The following UNG variants were observed in gnomAD, a reference collection of about 807,000 sequenced individuals.
UNG encodes uracil-DNA glycosylase.
A neutral mutation model predicts 36.5 loss-of-function variants in UNG; 34 were observed. The observed-to-expected ratio is 0.93, with a 90% CI of 0.71 to 1.24. The LOEUF is 1.24. Ranked by LOEUF, UNG falls within the 50% of genes most tolerant of loss-of-function variation. The pLI is 0.00. For missense variants in UNG, 391 were observed against 397.6 expected (o/e 0.98, Z 0.14); for synonymous variants, 172 against 157.8 (o/e 1.09, Z -0.67).
In UNG at chr12:109,098,635, C is replaced by T. The variant is rs753649047; in HGVS notation, c.336C>T (p.Ile112=). 1.9e-6 allele frequency: 3 copies of T among 1,613,472 alleles called. No homozygotes were observed. The highest frequency in any genetic ancestry group is 2.5e-6 in the Non-Finnish European group (3 of 1,180,036). Residue 112 remains isoleucine (I), a synonymous_variant, in exon 2 of 7, where the codon ATC becomes ATT. Transcript: ENST00000242576. ...LSGEFGKPYF[I]KLMGFVAEER... is the part of the protein sequence containing the mutation. ...GGGAGTTCGGGAAACCGTATTTTAT[C>T]AAGGTAAATATGGAAATGCACCTTC...
At chr12:109,104,134 C>T (rs934144071) in intron 6 of UNG, among the ~76,000 whole-genome samples, 3 of 151,484 alleles carry the variant, frequency 2.0e-5, no homozygotes, top group East Asian at 1.9e-4. Flanking sequence ...CTGCAACCTC[C>T]GCCTGCTGGG....
chr12:109,097,640 T>G lies in UNG; in HGVS notation c.-40T>G. The G allele has an allele frequency of 6.3e-7, 1 of 1,594,182 alleles. No individual in the cohort carries two copies. The highest frequency in any genetic ancestry group is 8.5e-7 in the Non-Finnish European group (1 of 1,170,114). Reference sequence around the variant, plus strand: ...CCACAGCCAGGGCTAGCCTCGCCGGTTCCCGGGTGGCGCGCGTTCGCTGCC... The same window carrying G: ...CCACAGCCAGGGCTAGCCTCGCCGGGTCCCGGGTGGCGCGCGTTCGCTGCC... On this transcript the variant is annotated 5_prime_UTR_variant, in exon 1 of 7. Transcript: ENST00000242576.
intron 4 of UNG, 26 bp downstream of exon 4, chr12:109,102,025 A>G: frequency 6.3e-7 from 1 of 1,596,316 alleles, no homozygotes; most frequent in Non-Finnish European, 8.6e-7. Flanking sequence ...AGGTGACTGC[A>G]GTCCAGACAT....
At chr12:109,106,915 ATG>A (rs1178744591) in intron 6 of UNG, among the ~76,000 whole-genome samples, 7 of 43,308 alleles carry the variant, frequency 1.6e-4, no homozygotes, top group African/African-American at 9.3e-4. Flanking sequence ...GTATATATAT[ATG>A]TGTATATATA....
At position 109,103,493 on chromosome 12, in the gene UNG, A is replaced by T. The variant is rs1261373572; in HGVS notation, c.683A>T (p.Glu228Val). The change falls in exon 6 of 7, where the codon GAG becomes GTG. Residue 228 changes from glutamate (E) to valine (V), a missense_variant. Physicochemically the swap from Glu to Val is moderately radical, Grantham distance 121. Coordinates refer to ENST00000242576, the MANE Select transcript of UNG (RefSeq NM_080911.3). ...VRAHQANSHK[E>V]RGWEQFTDAV... ...GCCCATCAAGCCAACTCTCATAAGG[A>T]GCGAGGCTGGGAGCAGTTCACTGAT... 1 of 1,614,218 alleles carries T rather than the reference A, an allele frequency of 6.2e-7. No homozygotes were observed. Among genetic ancestry groups the T allele is most frequent in the Non-Finnish European group, 8.5e-7 (1 of 1,180,042 alleles).
intron 1 of UNG, 71 bp downstream of exon 1, chr12:109,097,882 G>A (rs573796572): frequency 1.4e-6 from 2 of 1,446,832 alleles, no homozygotes; most frequent in Admixed American, 2.6e-5. Context: ...CTGACGGAGG[G>A]CGTGCAGGAT....
rs746124875 is a variant in UNG, at chr12:109,103,491, G to A, written c.681G>A (p.Lys227=). ...GTGCCCATCAAGCCAACTCTCATAAGGAGCGAGGCTGGGAGCAGTTCACTG... is the reference window on the plus strand; with the variant it reads ...GTGCCCATCAAGCCAACTCTCATAAAGAGCGAGGCTGGGAGCAGTTCACTG... The part of the protein sequence containing the change: ...TVRAHQANSH[K]ERGWEQFTDA... Residue 227 remains lysine (K), a synonymous_variant, in exon 6 of 7, where the codon AAG becomes AAA. Coordinates refer to ENST00000242576, the MANE Select transcript of UNG (RefSeq NM_080911.3). 3.1e-6 allele frequency: 5 copies of A among 1,614,212 alleles called. No homozygotes were observed. Among genetic ancestry groups the A allele is most frequent in the Admixed American group, 3.3e-5 (2 of 60,034 alleles).
Position 109,102,763 on chromosome 12 carries a change from A to G in UNG, c.534-76A>G, listed in dbSNP as rs3219234. The G allele has an allele frequency of 1.3e-3, 1,567 of 1,216,974 alleles. 23 individuals are homozygous for G. In the African/African-American group the frequency reaches 0.019, roughly 15 times the overall value. The allele number at this position is 1,216,974 out of a possible 1,614,324, so 75.4% of individuals were successfully genotyped here. On this transcript the variant is annotated intron_variant, in intron 4 of 6. Transcript: ENST00000242576. The stretch of plus-strand genomic sequence containing the variant: ...GCTGTAACTTCTAACCTTTTCACAT[A>G]TGTCTTAGACGTTACTGAGCTTTCA...
At chr12:109,108,127 T>G (rs2042231416) in intron 6 of UNG, among the ~76,000 whole-genome samples, 1 of 152,232 alleles carries the variant, frequency 6.6e-6, no homozygotes, top group South Asian at 2.1e-4. Flanking sequence ...GTAAGAACTT[T>G]AGAAAAATAC....
At position 109,104,569 on chromosome 12, in the gene UNG, C is replaced by T. The variant is rs192947567; in HGVS notation, c.801+958C>T. 1.1e-3 allele frequency among the ~76,000 whole-genome samples: 165 copies of T among 152,262 alleles called. 1 individual carries two copies. The highest frequency in any genetic ancestry group is 3.8e-3 in the African/African-American group (158 of 41,548). Reference sequence around the variant, plus strand: ...CATCAACTCTGCCTCCCAAAACACCCCAGTCTACTGCTTCTCATTCGCCAC... The same window carrying T: ...CATCAACTCTGCCTCCCAAAACACCTCAGTCTACTGCTTCTCATTCGCCAC... On this transcript the variant is annotated intron_variant, in intron 6 of 6. Coordinates refer to ENST00000242576, the MANE Select transcript of UNG (RefSeq NM_080911.3).
chr12:109,107,149 G>A (rs2042224013), intron 6 of UNG, among the ~76,000 whole-genome samples: 1 of 151,362 alleles, frequency 6.6e-6, no homozygotes, highest in Non-Finnish European at 1.5e-5. Flanking sequence ...CAGTGAAATT[G>A]CCTAACAACA....
intron 6 of UNG, among the ~76,000 whole-genome samples, chr12:109,104,053 G>GCGTTTTTTGTTTTTT (rs1555265040): frequency 1.5e-5 from 1 of 66,936 alleles, no homozygotes; most frequent in African/African-American, 1.0e-4. Flanking sequence ...TTTTGTTTCT[G>GCGTTTTTTGTTTTTT]GGTTTTTTGT....
At chr12:109,107,844 C>T (rs1232974754) in intron 6 of UNG, among the ~76,000 whole-genome samples, 2 of 151,950 alleles carry the variant, frequency 1.3e-5, no homozygotes, top group Non-Finnish European at 1.5e-5. Flanking sequence ...ATTTTTGTGG[C>T]GAGATTTTTT....
Position 109,102,891 on chromosome 12 carries a change from C to T in UNG, c.586C>T (p.Pro196Ser), listed in dbSNP as rs2135886797. ...TACAGACATAGAGGATTTTGTTCAT[C>T]CTGGCCATGGAGATTTATCTGGGTG... is the stretch of plus-strand genomic sequence containing the variant. ...LSTDIEDFVH[P>S]GHGDLSGWAK... The change falls in exon 5 of 7, where the codon CCT (proline) becomes TCT (serine). Residue 196 changes from proline (P) to serine (S), a missense_variant. By Grantham distance (74) the Pro-to-Ser change is moderately conservative. Transcript: ENST00000242576. 6.2e-7 allele frequency: 1 copy of T among 1,612,904 alleles called. No individual in the cohort carries two copies. Among genetic ancestry groups the T allele is most frequent in the East Asian group, 2.2e-5 (1 of 44,850 alleles).
chr12:109,109,794 C>G (rs372577411), intron 6 of UNG, 35 bp from the exon 7 acceptor site: 13 of 1,593,036 alleles, frequency 8.2e-6, no homozygotes, highest in Non-Finnish European at 1.1e-5. Context: ...TAAAAAGTCC[C>G]AAATCTGCCA....
Position 109,102,946 on chromosome 12 carries a change from G to GGT in UNG, c.622+19_622+20insGT, listed in dbSNP as rs2042189259. On this transcript the variant is annotated intron_variant, in intron 5 of 6. Transcript: ENST00000242576. ...AAGCAAGGTAAGCCAGCGACTGCTA[G>GGT]ATTTTTTTTTTTTTTTTTTTTTTGA... The GGT allele has an allele frequency of 1.1e-6, 1 of 913,226 alleles. No individual in the cohort carries two copies. Among genetic ancestry groups the GGT allele is most frequent in the South Asian group, 1.4e-5 (1 of 69,522 alleles). The allele number at this position is 913,226 out of a possible 1,614,324, so 56.6% of individuals were successfully genotyped here.
Position 109,099,201 on chromosome 12 carries a change from G to A in UNG, c.352G>A (p.Val118Ile). The A allele has an allele frequency of 6.2e-7, 1 of 1,613,400 alleles. No homozygotes were observed. The highest frequency in any genetic ancestry group is 8.5e-7 in the Non-Finnish European group (1 of 1,179,950). ...ATCTTTAAATCAGCTAATGGGATTTGTTGCAGAAGAAAGAAAGCATTACAC... is the reference window on the plus strand; with the variant it reads ...ATCTTTAAATCAGCTAATGGGATTTATTGCAGAAGAAAGAAAGCATTACAC... ...KPYFIKLMGFVAEERKHYTVY... is the reference protein window; with the variant it reads ...KPYFIKLMGFIAEERKHYTVY... Residue 118 changes from valine (V) to isoleucine (I), a missense_variant, in exon 3 of 7, where the codon GTT (valine) becomes ATT (isoleucine). Transcript: ENST00000242576.
rs754905831 is a variant in UNG, at chr12:109,098,494, G to C, written c.195G>C (p.Pro65=). 6.2e-7 allele frequency: 1 copy of C among 1,612,504 alleles called. No individual in the cohort carries two copies. The change falls in exon 2 of 7, where the codon CCG becomes CCC. Residue 65 remains proline, a synonymous_variant. Coordinates refer to ENST00000242576, the MANE Select transcript of UNG (RefSeq NM_080911.3). ...AGCCTGGGACGCCGCCCTCCTCGCCGCTGAGTGCCGAGCAGTTGGACCGGA... is the reference window on the plus strand; with the variant it reads ...AGCCTGGGACGCCGCCCTCCTCGCCCCTGAGTGCCGAGCAGTTGGACCGGA... ...QEEPGTPPSS[P]LSAEQLDRIQ...
intron 6 of UNG, chr12:109,105,259 G>A (rs1470112471): frequency 1.3e-5 from 2 of 152,308 alleles, no homozygotes; most frequent in Admixed American, 1.3e-4. Flanking sequence ...TCTCAGAAAG[G>A]CTTTGAGGTA....
Sources: gnomAD v4.1 joint callset for allele counts (sites outside exome capture counted in the v4.1 genomes callset) on GRCh38, gnomAD v4.1.1 for gene constraint, MANE v1.5 for transcripts, NCBI Gene and HGNC (gene_info 2026-07-23, HGNC 2026-07-21) for gene names.